Variants in IL22RA2 observed in about 807,000 individuals in gnomAD.
IL22RA2 encodes interleukin-22 receptor subunit alpha-2.
IL22RA2 carries 39 observed loss-of-function variants against 30.7 expected under a neutral mutation model. The ratio of observed to expected loss-of-function variants is 1.27; its 90% CI spans 0.98 to 1.66. IL22RA2 has a LOEUF of 1.66. Among genes scored for constraint, IL22RA2 ranks in the 40% most tolerant of loss-of-function variants. IL22RA2 has a pLI of 0.00. For synonymous variants in IL22RA2, 103 were observed against 105.0 expected (o/e 0.98, Z 0.11); for missense variants, 315 against 312.7 (o/e 1.01, Z -0.05).
chr6:137,165,316 G>A (rs572948259), intron 1 of IL22RA2, among the ~76,000 whole-genome samples: 9 of 152,302 alleles, frequency 5.9e-5, no homozygotes, highest in African/African-American at 2.2e-4. Flanking sequence ...CAGAGGCTGC[G>A]GGTAATCAGT....
chr6:137,155,408 A>C (rs1326232153), intron 4 of IL22RA2, among the ~76,000 whole-genome samples: 2 of 151,996 alleles, frequency 1.3e-5, no homozygotes, highest in Admixed American at 6.5e-5. Context: ...TAAGAGCCAC[A>C]TCTGGTGAGG....
chr6:137,148,800 C>T (rs575634699), intron 5 of IL22RA2, among the ~76,000 whole-genome samples: 14 of 152,248 alleles, frequency 9.2e-5, no homozygotes, highest in Non-Finnish European at 2.1e-4. Flanking sequence ...ATAAACATGT[C>T]CCTTTTGTAG....
At position 137,144,285 on chromosome 6, in the gene IL22RA2, C is replaced by T. The variant is rs1376723706; in HGVS notation, c.*1339G>A. 5.9e-5 allele frequency: 9 copies of T among 152,168 alleles called. No homozygotes were observed. The highest frequency in any genetic ancestry group is 2.6e-4 in the Admixed American group (4 of 15,280). The allele number at this position is 152,168 out of a possible 1,614,324, so 9.4% of individuals were successfully genotyped here. A position where few individuals can be genotyped will look rare whatever the true frequency, so the allele number is the denominator to read the frequency against. ...AAGGAAACCAATTCTCTAGCTCTTG[C>T]TCTGCCTCTTATTCTCCTCCACCCC... On this transcript the variant is annotated 3_prime_UTR_variant, in exon 7 of 7. Transcript: ENST00000296980.
intron 4 of IL22RA2, among the ~76,000 whole-genome samples, chr6:137,155,814 C>CT (rs1173546634): frequency 6.6e-5 from 10 of 151,898 alleles, no homozygotes; most frequent in African/African-American, 2.2e-4. Context: ...GGGTTTTAAC[C>CT]TTTTTTTTAA....
At chr6:137,173,166 G>C (rs1460224197) in intron 1 of IL22RA2, among the ~76,000 whole-genome samples, 1 of 152,214 alleles carries the variant, frequency 6.6e-6, no homozygotes, top group East Asian at 1.9e-4. Flanking sequence ...GAGGTGTGGA[G>C]TTCCAGACCA....
At chr6:137,165,209 G>A (rs993728224) in intron 1 of IL22RA2, among the ~76,000 whole-genome samples, 5 of 152,160 alleles carry the variant, frequency 3.3e-5, no homozygotes, top group Non-Finnish European at 7.3e-5. Context: ...CACCAATATC[G>A]GAAAGGTCTC....
intron 1 of IL22RA2, among the ~76,000 whole-genome samples, chr6:137,171,206 G>T (rs1313147682): frequency 3.9e-5 from 6 of 152,216 alleles, no homozygotes; most frequent in Non-Finnish European, 8.8e-5. Context: ...CAGCAAGGAT[G>T]CAGCAGCAGA....
At chr6:137,167,736 C>T (rs907736274) in intron 1 of IL22RA2, among the ~76,000 whole-genome samples, 1 of 152,190 alleles carries the variant, frequency 6.6e-6, no homozygotes, top group African/African-American at 2.4e-5. Context: ...TCAACAAAAC[C>T]CAGACCACTC....
intron 3 of IL22RA2, 57 bp from the exon 4 acceptor site, chr6:137,156,911 T>A: frequency 6.3e-7 from 1 of 1,576,842 alleles, no homozygotes; most frequent in African/African-American, 1.3e-5. Flanking sequence ...TCAAGGGGCA[T>A]CCTGGCTTTA....
intron 1 of IL22RA2, among the ~76,000 whole-genome samples, chr6:137,168,627 C>G (rs1459616366): frequency 6.7e-6 from 1 of 149,144 alleles, no homozygotes; most frequent in Non-Finnish European, 1.5e-5. Flanking sequence ...ATTTAATCAG[C>G]ACCTATACAC....
chr6:137,156,647 C>A (rs1778412901), intron 4 of IL22RA2, 112 bp downstream of exon 4: 4 of 1,399,868 alleles, frequency 2.9e-6, no homozygotes, highest in Non-Finnish European at 3.9e-6. Flanking sequence ...CCCTTAGAGA[C>A]AGGAATGGAT....
chr6:137,168,313 G>T lies in IL22RA2; in HGVS notation c.-66+5100C>A, dbSNP rs1778661063. ...AAATATGTTATGACCCAGAGTTCTT[G>T]CCCTATGACTTCTTATTTGAAGTCC... On this transcript the variant is annotated intron_variant, in intron 1 of 6. Coordinates refer to ENST00000296980, the MANE Select transcript of IL22RA2 (RefSeq NM_052962.3). 2.0e-5 allele frequency among the ~76,000 whole-genome samples: 3 copies of T among 152,152 alleles called. No homozygotes were observed. In the South Asian group the frequency reaches 6.2e-4, roughly 31 times the overall value.
At chr6:137,156,431 T>C (rs1296085411) in intron 4 of IL22RA2, among the ~76,000 whole-genome samples, 1 of 152,230 alleles carries the variant, frequency 6.6e-6, no homozygotes, top group Non-Finnish European at 1.5e-5. Flanking sequence ...ACAACATATA[T>C]TGAGTATAAT....
intron 2 of IL22RA2, among the ~76,000 whole-genome samples, chr6:137,159,515 GT>G (rs1775156842): frequency 6.6e-6 from 1 of 152,246 alleles, no homozygotes; most frequent in Admixed American, 6.5e-5. Flanking sequence ...TAGAGATGGG[GT>G]TTTGCCATGT....
chr6:137,153,595 G>T (rs1743438706), intron 5 of IL22RA2, among the ~76,000 whole-genome samples: 1 of 152,186 alleles, frequency 6.6e-6, no homozygotes, highest in African/African-American at 2.4e-5. Flanking sequence ...AAAATTGGAA[G>T]TCGAGGCTCT....
Position 137,145,419 on chromosome 6 carries a change from C to T in IL22RA2, c.*205G>A, listed in dbSNP as rs908558231. ...GCCTCATCTTTACATTTCAATTTTT[C>T]GGGGGGAATGTCGTTCAAATATAGT... On this transcript the variant is annotated 3_prime_UTR_variant, in exon 7 of 7. Transcript: ENST00000296980. The T allele has an allele frequency of 3.2e-5, 14 of 443,376 alleles. No homozygotes were observed. Among genetic ancestry groups the T allele is most frequent in the African/African-American group, 1.0e-4 (5 of 48,426 alleles). 27.5% of individuals were successfully genotyped at this position (443,376 alleles called of 1,614,324 possible).
chr6:137,148,079 C>T (rs914937048), intron 5 of IL22RA2, among the ~76,000 whole-genome samples, 188 bp from the exon 6 acceptor site: 1 of 151,938 alleles, frequency 6.6e-6, no homozygotes, highest in Admixed American at 6.6e-5. Flanking sequence ...TGTCAAAAAA[C>T]AAAAATAAAA....
At chr6:137,160,897 C>T (rs546646324) in intron 2 of IL22RA2, among the ~76,000 whole-genome samples, 1 of 152,326 alleles carries the variant, frequency 6.6e-6, no homozygotes, top group Non-Finnish European at 1.5e-5. Context: ...CAAATCCAAA[C>T]ACTTCTGGAA....
At chr6:137,151,735 G>T (rs1223063675) in intron 5 of IL22RA2, among the ~76,000 whole-genome samples, 1 of 152,104 alleles carries the variant, frequency 6.6e-6, no homozygotes, top group Non-Finnish European at 1.5e-5. Context: ...TTTTAAATGG[G>T]CAAAGGATCT....
Sources: allele counts gnomAD v4.1 joint callset (sites outside exome capture counted in the v4.1 genomes callset), GRCh38; gene constraint gnomAD v4.1.1; transcripts MANE v1.5; gene names NCBI Gene and HGNC (gene_info 2026-07-23, HGNC 2026-07-21).